Variants in PLEKHA5 observed in about 807,000 individuals in gnomAD.
The protein encoded by PLEKHA5 is pleckstrin homology domain-containing family A member 5.
PLEKHA5 carries 55 observed loss-of-function variants against 181.9 expected under a neutral mutation model. The observed-to-expected ratio is 0.30, with a 90% CI of 0.24 to 0.38. The LOEUF (loss-of-function observed/expected upper bound fraction) is 0.38. Among genes scored for constraint, PLEKHA5 ranks in the 10% least tolerant of loss-of-function variants. The probability of loss-of-function intolerance (pLI) is 1.00; values close to 1 mark genes in which losing one functional copy is unlikely to be tolerated. For missense variants in PLEKHA5, 1,432 were observed against 1,549.5 expected (o/e 0.92, Z 1.27); for synonymous variants, 535 against 529.4 (o/e 1.01, Z -0.15).
intron 16 of PLEKHA5, among the ~76,000 whole-genome samples, chr12:19,316,290 G>A (rs898594278): frequency 2.6e-5 from 4 of 151,990 alleles, no homozygotes; most frequent in Admixed American, 1.3e-4. Flanking sequence ...AATCTGTTTG[G>A]TTTGGTTGGG....
At chr12:19,279,290 A>G (rs1461000073) in intron 11 of PLEKHA5, among the ~76,000 whole-genome samples, 6 of 152,176 alleles carry the variant, frequency 3.9e-5, no homozygotes, top group Admixed American at 1.3e-4. Flanking sequence ...TCACTGGCAT[A>G]GTTAAAAGAG....
chr12:19,370,642 T>C (rs1189625724), intron 31 of PLEKHA5: 1 of 152,126 alleles, frequency 6.6e-6, no homozygotes, highest in Non-Finnish European at 1.5e-5. Context: ...CAGAAACATA[T>C]AGAGACATTA....
intron 12 of PLEKHA5, among the ~76,000 whole-genome samples, chr12:19,285,061 TTTG>T (rs774417398): frequency 1.0e-3 from 159 of 152,366 alleles, no homozygotes; most frequent in Non-Finnish European, 1.6e-3. Flanking sequence ...TAAATAAGCA[TTTG>T]TTAAGATTAA....
intron 2 of PLEKHA5, 141 bp from the exon 3 acceptor site, chr12:19,132,252 G>A (rs1234257270): frequency 4.9e-6 from 3 of 608,912 alleles, no homozygotes; most frequent in African/African-American, 1.9e-5. Flanking sequence ...GATATCTGTT[G>A]TATTGCCAGC....
chr12:19,266,146 A>G (rs1277117754), intron 8 of PLEKHA5, among the ~76,000 whole-genome samples: 1 of 152,100 alleles, frequency 6.6e-6, no homozygotes, highest in Admixed American at 6.6e-5. Context: ...GGTGATTATT[A>G]TACGTTTTTT....
intron 25 of PLEKHA5, among the ~76,000 whole-genome samples, chr12:19,353,385 G>C (rs1388091088): frequency 4.5e-4 from 69 of 152,192 alleles, no homozygotes; most frequent in Non-Finnish European, 5.9e-5. Flanking sequence ...TTGAACTCCT[G>C]AGTTCAGGTG....
At chr12:19,246,167 A>T (rs1406137850) in intron 3 of PLEKHA5, among the ~76,000 whole-genome samples, 1 of 151,030 alleles carries the variant, frequency 6.6e-6, no homozygotes, top group Non-Finnish European at 1.5e-5. Flanking sequence ...TTTAGTAGAG[A>T]CGGGGTTTCA....
At chr12:19,129,918 G>C in intron 1 of PLEKHA5, 30 bp downstream of exon 1, 2 of 1,576,604 alleles carry the variant, frequency 1.3e-6, no homozygotes, top group Non-Finnish European at 1.7e-6. Flanking sequence ...ACGGGGGCCC[G>C]CGGGGGCGGG....
At chr12:19,192,186 A>AT (rs2051304074) in intron 3 of PLEKHA5, among the ~76,000 whole-genome samples, 1 of 152,062 alleles carries the variant, frequency 6.6e-6, no homozygotes, top group South Asian at 2.1e-4. Flanking sequence ...TGCTTGCTTT[A>AT]TTTTTCAATT....
chr12:19,260,916 G>T (rs1166831260), intron 6 of PLEKHA5, 33 bp from the exon 7 acceptor site: 2 of 1,311,718 alleles, frequency 1.5e-6, no homozygotes, highest in Admixed American at 2.0e-5. Flanking sequence ...TGTTGTTTGA[G>T]AAATAATCCT....
At position 19,132,460 on chromosome 12, in the gene PLEKHA5, T is replaced by C. The variant is rs548965443; in HGVS notation, c.227+10T>C. ...CAAGATACTATATAAAGTGAGTTTT[T>C]TGACTTTCATTTTTTTCCTTCGTAA... is the stretch of plus-strand genomic sequence containing the variant. On this transcript the variant is annotated intron_variant, in intron 3 of 31. Coordinates refer to ENST00000429027, the MANE Select transcript of PLEKHA5 (RefSeq NM_001256470.2). The C allele has an allele frequency of 1.4e-6, 2 of 1,464,294 alleles. No individual in the cohort carries two copies. Among genetic ancestry groups the C allele is most frequent in the South Asian group, 1.2e-5 (1 of 84,258 alleles). The allele number at this position is 1,464,294 out of a possible 1,614,324, so 90.7% of individuals were successfully genotyped here. A position where few individuals can be genotyped will look rare whatever the true frequency, so the allele number is the denominator to read the frequency against.
At chr12:19,225,619 A>T (rs1202134860) in intron 3 of PLEKHA5, among the ~76,000 whole-genome samples, 1 of 152,154 alleles carries the variant, frequency 6.6e-6, no homozygotes, top group Non-Finnish European at 1.5e-5. Flanking sequence ...GAAGCAACAA[A>T]AGCATTATAA....
At chr12:19,279,237 TA>T (rs1193466893) in intron 11 of PLEKHA5, among the ~76,000 whole-genome samples, 2 of 152,276 alleles carry the variant, frequency 1.3e-5, no homozygotes, top group East Asian at 3.9e-4. Context: ...TGGCAAAATT[TA>T]AAAATAGAGG....
intron 3 of PLEKHA5, among the ~76,000 whole-genome samples, chr12:19,144,227 A>G (rs2038258421): frequency 6.6e-6 from 1 of 152,212 alleles, no homozygotes; most frequent in Non-Finnish European, 1.5e-5. Context: ...GTATGTCTAC[A>G]TAAACAACTA....
chr12:19,318,434 A>C (rs183716511), intron 16 of PLEKHA5, among the ~76,000 whole-genome samples: 11 of 152,284 alleles, frequency 7.2e-5, no homozygotes, highest in African/African-American at 2.4e-4. Flanking sequence ...AGATTCCCCA[A>C]ATAAAAATAG....
chr12:19,151,071 T>G (rs2040270492), intron 3 of PLEKHA5: 1 of 152,310 alleles, frequency 6.6e-6, no homozygotes, highest in African/African-American at 2.4e-5. Context: ...GTTATGGGTA[T>G]GACAAGGTTC....
Position 19,262,395 on chromosome 12 carries a change from G to A in PLEKHA5, c.610+1374G>A, listed in dbSNP as rs555432143. Among the ~76,000 whole-genome samples, 15 of 142,330 alleles carry A rather than the reference G, an allele frequency of 1.1e-4. No individual in the cohort carries two copies. The East Asian group carries it at 3.1e-3, about 29-fold the overall frequency. The allele number at this position is 142,330 out of a possible 152,430, so 93.4% of individuals were successfully genotyped here. On this transcript the variant is annotated intron_variant, in intron 7 of 31. Transcript: ENST00000429027. ...ATTACAGGCACGCGCCACCACACTT[G>A]GCTAATTTTTTGTGTGTATTTTTAG... is the stretch of plus-strand genomic sequence containing the variant.
chr12:19,145,032 G>C (rs1330664913), intron 3 of PLEKHA5, among the ~76,000 whole-genome samples: 1 of 152,076 alleles, frequency 6.6e-6, no homozygotes, highest in Non-Finnish European at 1.5e-5. Context: ...TTTACACCAG[G>C]GCTGCTGTTT....
At chr12:19,353,757 C>G in intron 25 of PLEKHA5, 127 bp from the exon 26 acceptor site, 1 of 629,656 alleles carries the variant, frequency 1.6e-6, no homozygotes, top group Non-Finnish European at 2.9e-6. Context: ...CCGCGCCAGG[C>G]CAGCCTGACT....
Sources: allele counts gnomAD v4.1 joint callset (sites outside exome capture counted in the v4.1 genomes callset), GRCh38; gene constraint gnomAD v4.1.1; transcripts MANE v1.5; gene names NCBI Gene and HGNC (gene_info 2026-07-23, HGNC 2026-07-21).